Variants in C12orf42 observed in about 807,000 individuals in gnomAD.
C12orf42 encodes the protein chromosome 12 open reading frame 42.
Under a neutral mutation model 21.6 loss-of-function variants are expected in C12orf42, and 25 were observed. The observed-to-expected ratio is 1.16, with a 90% CI of 0.84 to 1.62. C12orf42 has a LOEUF of 1.62. C12orf42 is among the 40% of genes most tolerant of loss of function. The pLI, the probability that C12orf42 is intolerant of heterozygous loss-of-function variation, is 0.00. For synonymous variants in C12orf42, 174 were observed against 175.0 expected, an observed-to-expected ratio of 0.99 and a Z score of 0.05; for missense variants, 483 against 459.3, an observed-to-expected ratio of 1.05 and a Z score of -0.47.
At chr12:103,210,639 C>CTTTTT in the C12orf42 span, among the ~76,000 whole-genome samples, 10,848 of 76,562 alleles carry the variant, frequency 0.14, 811 homozygotes, top group Non-Finnish European at 0.2. Context: ...CCCTCTATTT[C>CTTTTT]TTTTTTTTTT....
chr12:103,447,861 C>T (rs1951676490), intron 2 of C12orf42, among the ~76,000 whole-genome samples: 1 of 151,864 alleles, frequency 6.6e-6, no homozygotes, highest in Non-Finnish European at 1.5e-5. Context: ...TGAAAACGAC[C>T]ATACTGCCAA....
chr12:103,557,103 C>A, the C12orf42 span, among the ~76,000 whole-genome samples: 1 of 152,082 alleles, frequency 6.6e-6, no homozygotes, highest in Non-Finnish European at 1.5e-5. Flanking sequence ...TTCCAACAGT[C>A]CTAGGAAACT....
intron 2 of C12orf42, among the ~76,000 whole-genome samples, chr12:103,439,757 A>G (rs1951050004): frequency 6.6e-6 from 1 of 152,072 alleles, no homozygotes; most frequent in Admixed American, 6.5e-5. Context: ...GTCAGGAAAC[A>G]ACAGATGCTG....
chr12:103,177,060 C>T, the C12orf42 span, among the ~76,000 whole-genome samples: 1 of 152,104 alleles, frequency 6.6e-6, no homozygotes, highest in East Asian at 1.9e-4. Flanking sequence ...TCCTGAATTG[C>T]AGAGTATTCT....
the C12orf42 span, among the ~76,000 whole-genome samples, chr12:103,515,445 T>G: frequency 6.6e-6 from 1 of 152,224 alleles, no homozygotes; most frequent in Admixed American, 6.5e-5. Context: ...CAAAAGCACC[T>G]GGCACAGATT....
At chr12:103,264,935 C>T (rs1053744156), downstream of C12orf42, among the ~76,000 whole-genome samples, 1 of 152,094 alleles carries the variant, frequency 6.6e-6, no homozygotes, top group African/African-American at 2.4e-5. Flanking sequence ...TCAGTTTAGA[C>T]TCCTATAGCA....
chr12:103,367,775 C>CA (rs1003031072), intron 4 of C12orf42, among the ~76,000 whole-genome samples: 9 of 151,720 alleles, frequency 5.9e-5, no homozygotes, highest in African/African-American at 1.7e-4. Flanking sequence ...TATCCCCCCC[C>CA]AAAAAAATTT....
chr12:103,477,342 A>G (rs1306976041), intron 2 of C12orf42, among the ~76,000 whole-genome samples: 1 of 152,172 alleles, frequency 6.6e-6, no homozygotes, highest in Non-Finnish European at 1.5e-5. Context: ...AGAGAAGAGT[A>G]AGTGAGCACC....
rs185653928 is a variant in C12orf42 at position 103,479,437 on chromosome 12, A to G, written c.-21-990T>C. Among the ~76,000 whole-genome samples, 8 of 152,204 alleles carry G rather than the reference A, an allele frequency of 5.3e-5. No homozygotes were observed. In the South Asian group the frequency reaches 6.2e-4, roughly 12 times the overall value. ...GGAGGTGATATCAACAGGTCAGTAA[A>G]TACTAACACTCATGAATCAGAGCCC... On this transcript the variant is annotated intron_variant, in intron 1 of 5. Coordinates refer to ENST00000548883, the MANE Select transcript of C12orf42 (RefSeq NM_198521.5).
chr12:103,358,892 C>G lies in C12orf42; in HGVS notation c.259+9995G>C, dbSNP rs182191085. On this transcript the variant is annotated intron_variant, in intron 4 of 5. Transcript: ENST00000548883. ...TTTTTAAAGTAAATAAGAAGTGGTA[C>G]AGCTCTACCTAAAATCTTGAATAAT... Among the ~76,000 whole-genome samples, 3 of 152,138 alleles carry G rather than the reference C, an allele frequency of 2.0e-5. No homozygotes were observed. In the East Asian group the frequency reaches 5.8e-4, roughly 29 times the overall value.
chr12:103,413,306 C>T (rs1167477686), intron 2 of C12orf42, among the ~76,000 whole-genome samples: 2 of 152,114 alleles, frequency 1.3e-5, no homozygotes, highest in East Asian at 3.8e-4. Flanking sequence ...TTCCATTGGT[C>T]TGTGTGTCCA....
chr12:103,301,464 C>T (rs563277730), downstream of C12orf42, among the ~76,000 whole-genome samples: 1 of 152,258 alleles, frequency 6.6e-6, no homozygotes, highest in East Asian at 1.9e-4. Context: ...CCTAAAATTA[C>T]CAGTTTGATA....
At chr12:103,260,594 T>C (rs1292241225) in intron 10 of C12orf42, among the ~76,000 whole-genome samples, 1 of 152,290 alleles carries the variant, frequency 6.6e-6, no homozygotes, top group East Asian at 1.9e-4. Flanking sequence ...AAATTAAAAA[T>C]TATTAACAAC....
intron 10 of C12orf42, among the ~76,000 whole-genome samples, chr12:103,247,956 T>A (rs968398296): frequency 6.6e-6 from 1 of 152,060 alleles, no homozygotes; most frequent in African/African-American, 2.4e-5. Flanking sequence ...GCACTCTTAT[T>A]ATGCCTATTT....
At chr12:103,545,758 T>G in the C12orf42 span, among the ~76,000 whole-genome samples, 1 of 152,184 alleles carries the variant, frequency 6.6e-6, no homozygotes, top group Non-Finnish European at 1.5e-5. Context: ...CTCTTCTCTT[T>G]CCCAGATCAG....
chr12:103,365,560 T>C (rs915435832), intron 4 of C12orf42, among the ~76,000 whole-genome samples: 10 of 151,980 alleles, frequency 6.6e-5, no homozygotes, highest in African/African-American at 2.4e-4. Context: ...ATGATATGAT[T>C]GTATACTTAG....
At chr12:103,051,657 T>C in the C12orf42 span, among the ~76,000 whole-genome samples, 2 of 152,186 alleles carry the variant, frequency 1.3e-5, no homozygotes, top group Non-Finnish European at 2.9e-5. Context: ...ACCATGGGTG[T>C]CAGACCAGGT....
the C12orf42 span, among the ~76,000 whole-genome samples, chr12:103,179,195 A>G: frequency 6.6e-6 from 1 of 152,208 alleles, no homozygotes; most frequent in Non-Finnish European, 1.5e-5. Flanking sequence ...GTCATGAGCC[A>G]AGCACTCTGC....
the C12orf42 span, among the ~76,000 whole-genome samples, chr12:103,117,106 T>C: frequency 6.6e-6 from 1 of 152,208 alleles, no homozygotes; most frequent in Non-Finnish European, 1.5e-5. Context: ...CCACACTCAT[T>C]CTACAGTGCT....
Sources: gnomAD v4.1 joint callset for allele counts (sites outside exome capture counted in the v4.1 genomes callset) on GRCh38, gnomAD v4.1.1 for gene constraint, MANE v1.5 for transcripts, NCBI Gene and HGNC (gene_info 2026-07-23, HGNC 2026-07-21) for gene names.